The following RIPOR2 variants were observed in gnomAD, a reference collection of about 807,000 sequenced individuals.
RIPOR2 encodes the protein rho family-interacting cell polarization regulator 2.
Under a neutral mutation model 114.5 loss-of-function variants are expected in RIPOR2, and 39 were observed. The observed-to-expected ratio is 0.34, with a 90% CI of 0.26 to 0.44. The LOEUF (loss-of-function observed/expected upper bound fraction) is 0.44, where lower values mean the gene tolerates loss of function less well. Among genes scored for constraint, RIPOR2 ranks in the 20% least tolerant of loss-of-function variants. The pLI is 1.00. For missense variants in RIPOR2, 1,007 were observed against 1,255.1 expected, an observed-to-expected ratio of 0.80 and a Z score of 2.99; for synonymous variants, 445 against 484.4, an observed-to-expected ratio of 0.92 and a Z score of 1.07.
At chr6:24,820,399 A>C (rs1759576572) in intron 19 of RIPOR2, among the ~76,000 whole-genome samples, 1 of 152,244 alleles carries the variant, frequency 6.6e-6, no homozygotes, top group Admixed American at 6.5e-5. Flanking sequence ...ATACCATAAT[A>C]TTTAGACTAC....
chr6:24,870,758 C>G, intron 5 of RIPOR2, 108 bp downstream of exon 5: 1 of 735,964 alleles, frequency 1.4e-6, no homozygotes, highest in Non-Finnish European at 2.3e-6. Context: ...AAGTGATCCA[C>G]CCACCTCGGC....
intron 1 of RIPOR2, among the ~76,000 whole-genome samples, chr6:25,040,135 T>C (rs1000166074): frequency 1.3e-5 from 2 of 151,726 alleles, no homozygotes. Flanking sequence ...TTTTTTTTTT[T>C]AGATGGAGTT....
chr6:24,811,018 T>C (rs2113627302), intron 20 of RIPOR2, among the ~76,000 whole-genome samples: 1 of 151,018 alleles, frequency 6.6e-6, no homozygotes, highest in East Asian at 2.0e-4. Flanking sequence ...TTGGCCAGGC[T>C]GGTCTCAAAC....
chr6:24,852,920 G>A (rs1434525968), intron 8 of RIPOR2, among the ~76,000 whole-genome samples: 1 of 152,104 alleles, frequency 6.6e-6, no homozygotes, highest in Admixed American at 6.5e-5. Flanking sequence ...TGGATTCTAG[G>A]GTTAGGGTAT....
chr6:24,819,691 C>G (rs1157865932), intron 19 of RIPOR2, among the ~76,000 whole-genome samples: 2 of 89,246 alleles, frequency 2.2e-5, no homozygotes, highest in Non-Finnish European at 4.9e-5. Flanking sequence ...TTAGTGGAGA[C>G]AGGATTTTAC....
chr6:24,850,060 T>C (rs1762712807), intron 10 of RIPOR2, 110 bp from the exon 11 acceptor site: 1 of 845,700 alleles, frequency 1.2e-6, no homozygotes, highest in African/African-American at 1.7e-5. Context: ...TTCAGAATCA[T>C]ATCTGAAATC....
intron 1 of RIPOR2, among the ~76,000 whole-genome samples, chr6:24,964,263 TCTCC>T (rs1389762566): frequency 6.6e-6 from 1 of 151,922 alleles, no homozygotes; most frequent in Non-Finnish European, 1.5e-5. Flanking sequence ...GCTACAGAGC[TCTCC>T]CTCATGCTAC....
intron 1 of RIPOR2, among the ~76,000 whole-genome samples, chr6:24,991,548 C>T (rs1191940494): frequency 6.6e-6 from 1 of 152,136 alleles, no homozygotes. Context: ...AACCAAGGGA[C>T]ATCTATGCAC....
At position 24,897,168 on chromosome 6, in the gene RIPOR2, A is replaced by C. The variant is rs1767963314; in HGVS notation, c.62-21351T>G. On this transcript the variant is annotated intron_variant, in intron 1 of 21. Coordinates refer to ENST00000643898, the MANE Select transcript of RIPOR2 (RefSeq NM_001286445.3). ...ATGAATGTGGGTGTTGAGTCTAATC[A>C]AATGGGATGAGCAGAGTTCAGAATG... Among the ~76,000 whole-genome samples the C allele has an allele frequency of 2.6e-5, 4 of 152,266 alleles. No individual in the cohort carries two copies. The South Asian group carries it at 8.3e-4, about 31-fold the overall frequency.
intron 8 of RIPOR2, among the ~76,000 whole-genome samples, chr6:24,860,731 G>A (rs1763990451): frequency 6.6e-6 from 1 of 152,116 alleles, no homozygotes; most frequent in Non-Finnish European, 1.5e-5. Context: ...GGTTTATGGG[G>A]GCTCATTATA....
chr6:24,863,999 C>T (rs939260439), intron 7 of RIPOR2, among the ~76,000 whole-genome samples: 1 of 152,144 alleles, frequency 6.6e-6, no homozygotes, highest in Non-Finnish European at 1.5e-5. Context: ...TTATTTTATG[C>T]ATTTAAAAAA....
chr6:24,876,984 G>C (rs1179694947), intron 1 of RIPOR2: 2 of 985,296 alleles, frequency 2.0e-6, no homozygotes, highest in African/African-American at 1.7e-5. Context: ...ATCCAGAGAG[G>C]GGGACAGGCT....
rs190968135 is a variant in RIPOR2, at chr6:24,881,818, T to G, written c.62-6001A>C. On this transcript the variant is annotated intron_variant, in intron 1 of 21. Coordinates refer to ENST00000643898, the MANE Select transcript of RIPOR2 (RefSeq NM_001286445.3). ...GTAGCTCATCAAATCAGCAGGCGGT[T>G]TTTGGACAAGAACACTGAATCTGAA... Among the ~76,000 whole-genome samples the G allele has an allele frequency of 4.4e-4, 67 of 151,892 alleles. No individual in the cohort carries two copies. The East Asian group carries it at 0.01, about 24-fold the overall frequency.
chr6:25,036,791 G>C (rs1345270368), intron 1 of RIPOR2, among the ~76,000 whole-genome samples: 1 of 152,070 alleles, frequency 6.6e-6, no homozygotes, highest in East Asian at 1.9e-4. Flanking sequence ...TCCTCTGTGG[G>C]GGCAAACACT....
At chr6:24,866,845 T>C (rs1358939128) in intron 6 of RIPOR2, among the ~76,000 whole-genome samples, 1 of 152,166 alleles carries the variant, frequency 6.6e-6, no homozygotes, top group Admixed American at 6.5e-5. Flanking sequence ...GAATTTTCAT[T>C]TCAGTATGAA....
rs1413405221 is a variant in RIPOR2 at position 24,883,330 on chromosome 6, C to T, written c.62-7513G>A. ...CACACTTACAAAGCTATGCCATCTC[C>T]ATAAGCTAGACTGAGACCAACCCCT... On this transcript the variant is annotated intron_variant, in intron 1 of 21. Coordinates refer to ENST00000643898, the MANE Select transcript of RIPOR2 (RefSeq NM_001286445.3). This position sits in a 1 kb window ranked among gnomAD's most constrained non-coding sequence, Gnocchi z 4.1. Among the ~76,000 whole-genome samples the T allele has an allele frequency of 4.6e-5, 7 of 152,206 alleles. No individual in the cohort carries two copies. The highest frequency in any genetic ancestry group is 1.4e-4 in the African/African-American group (6 of 41,456).
chr6:24,870,568 G>A (rs1765058904), intron 5 of RIPOR2, among the ~76,000 whole-genome samples: 3 of 152,148 alleles, frequency 2.0e-5, no homozygotes, highest in South Asian at 2.1e-4. Flanking sequence ...TGCAGTGGGT[G>A]CAATCACGGC....
intron 1 of RIPOR2, among the ~76,000 whole-genome samples, chr6:24,979,580 T>C (rs1472416973): frequency 6.6e-6 from 1 of 152,216 alleles, no homozygotes; most frequent in Non-Finnish European, 1.5e-5. Flanking sequence ...TATTAATGCA[T>C]GTTAATGGGA....
rs569840637 is a variant in RIPOR2 at position 24,918,869 on chromosome 6, C to G, written c.61+16969G>C. On this transcript the variant is annotated intron_variant, in intron 1 of 21. Transcript: ENST00000643898. ...TGAATCCAGCTGCATGCTAAAAAGG[C>G]CTGTGCCTCCTCTGTAAACCTGGAA... 7.9e-4 allele frequency among the ~76,000 whole-genome samples: 120 copies of G among 152,312 alleles called. 1 individual carries two copies. Among genetic ancestry groups the G allele is most frequent in the Non-Finnish European group, 1.4e-3 (95 of 68,020 alleles).
Sources: allele counts gnomAD v4.1 joint callset (sites outside exome capture counted in the v4.1 genomes callset), GRCh38; gene constraint gnomAD v4.1.1; non-coding constraint Gnocchi (gnomAD v3.1); transcripts MANE v1.5; gene names NCBI Gene and HGNC (gene_info 2026-07-23, HGNC 2026-07-21).